The following RBPJ variants were observed in gnomAD, a reference collection of about 807,000 sequenced individuals.
RBPJ encodes the protein recombining binding protein suppressor of hairless.
A neutral mutation model predicts 67.8 loss-of-function variants in RBPJ; 9 were observed. That is an observed-to-expected ratio of 0.13 (90% confidence interval 0.08 to 0.23). The LOEUF is 0.23. RBPJ is among the 10% of genes least tolerant of loss of function. The pLI is 1.00. For missense variants in RBPJ, 305 were observed against 595.6 expected (o/e 0.51, Z 5.08); for synonymous variants, 198 against 203.3 (o/e 0.97, Z 0.22).
Position 26,430,182 on chromosome 4 carries a change from C to T in RBPJ, c.1044+129C>T, listed in dbSNP as rs1736072942. The T allele has an allele frequency of 6.3e-6, 7 of 1,104,146 alleles. No individual in the cohort carries two copies. The highest frequency in any genetic ancestry group is 3.2e-5 in the African/African-American group (2 of 61,954). The allele number at this position is 1,104,146 out of a possible 1,614,324, so 68.4% of individuals were successfully genotyped here. A position where few individuals can be genotyped will look rare whatever the true frequency, so the allele number is the denominator to read the frequency against. On this transcript the variant is annotated intron_variant, in intron 9 of 10. Transcript: ENST00000355476. This position sits in a 1 kb window ranked among gnomAD's most constrained non-coding sequence, Gnocchi z 4.1. ...TCTGATTAGGGGATTTTTATATACACCATTTGTTGATTTAAAGAAAAAAAA... is the reference window on the plus strand; with the variant it reads ...TCTGATTAGGGGATTTTTATATACATCATTTGTTGATTTAAAGAAAAAAAA...
At position 26,430,182 on chromosome 4, in the gene RBPJ, C is replaced by G; in HGVS notation, c.1044+129C>G. The G allele has an allele frequency of 9.1e-7, 1 of 1,104,248 alleles. No homozygotes were observed. The highest frequency in any genetic ancestry group is 2.4e-5 in the East Asian group (1 of 41,238). 68.4% of individuals were successfully genotyped at this position (1,104,248 alleles called of 1,614,324 possible). ...TCTGATTAGGGGATTTTTATATACA[C>G]CATTTGTTGATTTAAAGAAAAAAAA... On this transcript the variant is annotated intron_variant, in intron 9 of 10. Coordinates refer to ENST00000355476, the MANE Select transcript of RBPJ (RefSeq NM_015874.6). This position sits in a 1 kb window ranked among gnomAD's most constrained non-coding sequence, Gnocchi z 4.1.
intron 1 of RBPJ, among the ~76,000 whole-genome samples, chr4:26,210,010 A>G (rs745418958): frequency 1.3e-5 from 2 of 151,988 alleles, no homozygotes; most frequent in Non-Finnish European, 2.9e-5. Flanking sequence ...CAATCTTGCC[A>G]CCCTAAAACC....
At chr4:26,107,641 T>C in the RBPJ span, among the ~76,000 whole-genome samples, 2 of 152,240 alleles carry the variant, frequency 1.3e-5, no homozygotes, top group Non-Finnish European at 2.9e-5. Context: ...CTCACAACTG[T>C]AATCCCAGTA....
chr4:26,381,933 T>A (rs1730370356), intron 1 of RBPJ, among the ~76,000 whole-genome samples: 1 of 152,172 alleles, frequency 6.6e-6, no homozygotes, highest in Non-Finnish European at 1.5e-5. Flanking sequence ...ATTGACAGTC[T>A]ATACTTAGCA....
At chr4:26,328,911 A>G (rs1189496493) in intron 1 of RBPJ, among the ~76,000 whole-genome samples, 3 of 152,154 alleles carry the variant, frequency 2.0e-5, no homozygotes, top group South Asian at 2.1e-4. Flanking sequence ...TGGTCTCCCA[A>G]TGTGGTGTGA....
chr4:26,162,479 C>A (rs1007384578), upstream of RBPJ, among the ~76,000 whole-genome samples: 1 of 152,206 alleles, frequency 6.6e-6, no homozygotes, highest in Non-Finnish European at 1.5e-5. Context: ...CTTCATTGGT[C>A]ACTGATGCAT....
the RBPJ span, among the ~76,000 whole-genome samples, chr4:26,152,747 G>A: frequency 9.2e-5 from 14 of 152,244 alleles, no homozygotes; most frequent in African/African-American, 3.1e-4. Flanking sequence ...TCCTTGTTCA[G>A]TTCTTGAAGA....
At chr4:26,208,602 C>T (rs1206124923) in intron 1 of RBPJ, among the ~76,000 whole-genome samples, 1 of 152,166 alleles carries the variant, frequency 6.6e-6, no homozygotes, top group Non-Finnish European at 1.5e-5. Flanking sequence ...TGCCACAAGC[C>T]ATATATCCTA....
intron 1 of RBPJ, among the ~76,000 whole-genome samples, chr4:26,195,189 C>T (rs1017735218): frequency 6.6e-6 from 1 of 152,098 alleles, no homozygotes; most frequent in Admixed American, 6.5e-5. Flanking sequence ...GCCAACATAG[C>T]GAGACCTTGT....
At chr4:26,132,331 C>G in the RBPJ span, among the ~76,000 whole-genome samples, 2 of 152,212 alleles carry the variant, frequency 1.3e-5, no homozygotes, top group Admixed American at 6.5e-5. Context: ...TAAGAACCCT[C>G]TTCCCCCAGC....
chr4:26,354,978 C>T (rs1325278656), intron 1 of RBPJ, among the ~76,000 whole-genome samples: 1 of 152,122 alleles, frequency 6.6e-6, no homozygotes, highest in East Asian at 1.9e-4. Flanking sequence ...GCTCAAAGCT[C>T]TCATTTAATG....
At chr4:26,156,331 C>CTTTT in the RBPJ span, among the ~76,000 whole-genome samples, 5 of 150,638 alleles carry the variant, frequency 3.3e-5, no homozygotes, top group African/African-American at 1.2e-4. Flanking sequence ...TTTATCCAGG[C>CTTTT]TTGTTTGTTT....
chr4:26,164,361 T>C (rs1418891576), intron 1 of RBPJ, among the ~76,000 whole-genome samples: 1 of 152,224 alleles, frequency 6.6e-6, no homozygotes, highest in South Asian at 2.1e-4. Context: ...CTATACACTA[T>C]TATTGAGTGC....
In RBPJ at chr4:26,276,288, AG is replaced by A. The variant is rs377168032; in HGVS notation, c.-166-86157del. 3.3e-5 allele frequency among the ~76,000 whole-genome samples: 5 copies of A among 151,634 alleles called. No homozygotes were observed. In the East Asian group the frequency reaches 7.8e-4, roughly 24 times the overall value. ...ACTCCATCTCAAAAAAAAAAAAAAAAGAAAAAGAAAACATAAAATAAATACA... is the reference window on the plus strand; with the variant it reads ...ACTCCATCTCAAAAAAAAAAAAAAAAAAAAAGAAAACATAAAATAAATACA... On this transcript the variant is annotated intron_variant, in intron 1 of 4. Coordinates refer to the RBPJ transcript ENST00000512351.
At chr4:26,178,064 G>A (rs538464130) in intron 1 of RBPJ, among the ~76,000 whole-genome samples, 5 of 152,318 alleles carry the variant, frequency 3.3e-5, no homozygotes, top group South Asian at 4.1e-4. Context: ...ATTGTTTTCA[G>A]TGTTTTTCCA....
intron 7 of RBPJ, among the ~76,000 whole-genome samples, chr4:26,425,653 T>C (rs904880455): frequency 6.6e-6 from 1 of 152,184 alleles, no homozygotes; most frequent in Non-Finnish European, 1.5e-5. Flanking sequence ...AAACTACTTT[T>C]GTTAGTAAAA....
the RBPJ span, among the ~76,000 whole-genome samples, chr4:26,142,477 A>G: frequency 6.6e-6 from 1 of 152,224 alleles, no homozygotes; most frequent in East Asian, 1.9e-4. Context: ...TAACAGGATC[A>G]TTAGGAAATG....
At chr4:26,133,804 C>T in the RBPJ span, among the ~76,000 whole-genome samples, 10 of 151,274 alleles carry the variant, frequency 6.6e-5, no homozygotes, top group Non-Finnish European at 1.2e-4. Context: ...GGTGGAGGAC[C>T]GCTGATCTAG....
chr4:26,283,670 G>A (rs928146862), intron 1 of RBPJ, among the ~76,000 whole-genome samples: 2 of 141,898 alleles, frequency 1.4e-5, no homozygotes, highest in Non-Finnish European at 3.0e-5. Flanking sequence ...TTTTTGAGAC[G>A]GTGTCTTGCT....
Sources: allele counts gnomAD v4.1 joint callset (sites outside exome capture counted in the v4.1 genomes callset), GRCh38; gene constraint gnomAD v4.1.1; non-coding constraint Gnocchi (gnomAD v3.1); transcripts MANE v1.5; gene names NCBI Gene and HGNC (gene_info 2026-07-23, HGNC 2026-07-21).